Variants in CTNNA3 observed in about 807,000 individuals in gnomAD.
CTNNA3 encodes the protein catenin alpha 3, also known as catenin alpha-3.
In CTNNA3, 76 loss-of-function variants were observed where a neutral mutation model predicts 95.7. The observed-to-expected ratio is 0.79, with a 90% CI of 0.66 to 0.96. The LOEUF is 0.96. Ranked by LOEUF, CTNNA3 falls within the 40% of genes least tolerant of loss-of-function variation. The pLI, the probability that CTNNA3 is intolerant of heterozygous loss-of-function variation, is 0.00. For synonymous variants in CTNNA3, 431 were observed against 374.4 expected (o/e 1.15, Z -1.74); for missense variants, 1,191 against 1,089.8 (o/e 1.09, Z -1.31).
intron 13 of CTNNA3, among the ~76,000 whole-genome samples, chr10:66,125,428 TC>T (rs2082775862): frequency 6.6e-6 from 1 of 152,092 alleles, no homozygotes; most frequent in Non-Finnish European, 1.5e-5. Flanking sequence ...TATTGCAAAC[TC>T]TAGGGCAAGT....
At chr10:66,805,952 A>G (rs892809611) in intron 7 of CTNNA3, among the ~76,000 whole-genome samples, 4 of 152,056 alleles carry the variant, frequency 2.6e-5, no homozygotes, top group African/African-American at 4.8e-5. Context: ...TTTCACATTT[A>G]CATTTCATTT....
At chr10:67,076,269 C>T (rs542727847) in intron 7 of CTNNA3, among the ~76,000 whole-genome samples, 1 of 152,366 alleles carries the variant, frequency 6.6e-6, no homozygotes, top group African/African-American at 2.4e-5. Context: ...TAACTTTTCA[C>T]TGGATCTTAA....
intron 5 of CTNNA3, among the ~76,000 whole-genome samples, chr10:67,286,803 A>G (rs1038803312): frequency 6.6e-6 from 1 of 152,220 alleles, no homozygotes; most frequent in African/African-American, 2.4e-5. Context: ...ACAGAACTAC[A>G]AAATTTTAAA....
intron 7 of CTNNA3, among the ~76,000 whole-genome samples, chr10:67,092,378 G>A (rs1044471045): frequency 5.9e-5 from 9 of 151,958 alleles, no homozygotes; most frequent in African/African-American, 2.2e-4. Context: ...GAATTCTAGA[G>A]AAGGAAAACA....
Position 67,637,668 on chromosome 10 carries a change from G to C in CTNNA3, c.99+9747C>G, listed in dbSNP as rs541360613. 7.2e-5 allele frequency among the ~76,000 whole-genome samples: 11 copies of C among 152,244 alleles called. No homozygotes were observed. The South Asian group carries it at 2.1e-3, about 29-fold the overall frequency. On this transcript the variant is annotated intron_variant, in intron 2 of 17. Coordinates refer to ENST00000433211, the MANE Select transcript of CTNNA3 (RefSeq NM_013266.4). ...CCATCAGACTAATAGCTGATCTCTC[G>C]GCAGAAACTCTACAAGCCAGAAGAG... is the stretch of plus-strand genomic sequence containing the variant.
chr10:66,827,327 C>T (rs1437526104), intron 7 of CTNNA3, among the ~76,000 whole-genome samples: 3 of 152,140 alleles, frequency 2.0e-5, no homozygotes, highest in Non-Finnish European at 4.4e-5. Context: ...ACCATACTTA[C>T]CTCCCATATT....
At chr10:67,716,255 T>G (rs537344594) in intron 1 of CTNNA3, among the ~76,000 whole-genome samples, 2 of 152,300 alleles carry the variant, frequency 1.3e-5, no homozygotes, top group South Asian at 2.1e-4. Flanking sequence ...TACCACTGAT[T>G]CAAAAATAAG....
intron 9 of CTNNA3, among the ~76,000 whole-genome samples, chr10:66,670,439 T>C (rs1171439002): frequency 1.3e-5 from 2 of 152,126 alleles, no homozygotes; most frequent in East Asian, 3.9e-4. Context: ...CCAGGGATGG[T>C]TCTTAACTTC....
chr10:66,267,209 G>A (rs2091178994), intron 13 of CTNNA3, among the ~76,000 whole-genome samples: 1 of 151,980 alleles, frequency 6.6e-6, no homozygotes, highest in Admixed American at 6.6e-5. Context: ...CATGCATGAA[G>A]ACTCTTAAAA....
At chr10:67,538,433 A>G (rs910570500) in intron 4 of CTNNA3, among the ~76,000 whole-genome samples, 5 of 151,724 alleles carry the variant, frequency 3.3e-5, no homozygotes, top group Non-Finnish European at 4.4e-5. Context: ...AATACAAAAA[A>G]TTAGCCAGGC....
intron 7 of CTNNA3, among the ~76,000 whole-genome samples, chr10:66,967,557 C>A (rs1849501313): frequency 6.6e-6 from 1 of 152,002 alleles, no homozygotes; most frequent in South Asian, 2.1e-4. Flanking sequence ...ACCCTCTATA[C>A]CTTTAAGCAG....
At chr10:67,644,753 T>C (rs1243444946) in intron 2 of CTNNA3, among the ~76,000 whole-genome samples, 1 of 151,980 alleles carries the variant, frequency 6.6e-6, no homozygotes, top group African/African-American at 2.4e-5. Flanking sequence ...GTTGATATTA[T>C]ATAAATTATT....
intron 13 of CTNNA3, among the ~76,000 whole-genome samples, chr10:66,237,724 AT>A (rs903608501): frequency 5.9e-5 from 9 of 152,186 alleles, no homozygotes; most frequent in Admixed American, 1.3e-4. Flanking sequence ...TCTTATAACC[AT>A]TTTTTTCAAA....
chr10:66,601,021 C>T (rs144466947), intron 10 of CTNNA3, among the ~76,000 whole-genome samples: 1 of 151,796 alleles, frequency 6.6e-6, no homozygotes, highest in African/African-American at 2.4e-5. Context: ...GAGTAGTCAC[C>T]TAAAATCTCT....
chr10:66,377,610 T>C (rs2092805141), intron 12 of CTNNA3, among the ~76,000 whole-genome samples: 1 of 151,964 alleles, frequency 6.6e-6, no homozygotes, highest in Non-Finnish European at 1.5e-5. Flanking sequence ...TTAGTCCTCC[T>C]AGATTTTACC....
chr10:66,281,744 C>G (rs956363728), intron 12 of CTNNA3, among the ~76,000 whole-genome samples: 3 of 151,780 alleles, frequency 2.0e-5, no homozygotes, highest in Non-Finnish European at 4.4e-5. Context: ...GGCATACCAT[C>G]TCTTGCAATT....
Position 67,372,066 on chromosome 10 carries a change from T to C in CTNNA3, c.579+149776A>G, listed in dbSNP as rs992633532. ...CTGTTCATATCTTTCGCCCACTTGCTGATGGGTTGTTTTTTTTTTCTTGTA... is the reference window on the plus strand; with the variant it reads ...CTGTTCATATCTTTCGCCCACTTGCCGATGGGTTGTTTTTTTTTTCTTGTA... On this transcript the variant is annotated intron_variant, in intron 5 of 17. Coordinates refer to ENST00000433211, the MANE Select transcript of CTNNA3 (RefSeq NM_013266.4). Among the ~76,000 whole-genome samples the C allele has an allele frequency of 4.6e-5, 7 of 152,166 alleles. No individual in the cohort carries two copies. In the South Asian group the frequency reaches 1.0e-3, roughly 23 times the overall value.
At chr10:65,927,117 A>C (rs1239313573) in intron 17 of CTNNA3, among the ~76,000 whole-genome samples, 1 of 152,072 alleles carries the variant, frequency 6.6e-6, no homozygotes, top group Non-Finnish European at 1.5e-5. Context: ...CATACAAGGT[A>C]TTTTTGAATC....
chr10:66,805,239 T>A (rs1424511543), intron 7 of CTNNA3, among the ~76,000 whole-genome samples: 1 of 152,024 alleles, frequency 6.6e-6, no homozygotes, highest in Non-Finnish European at 1.5e-5. Context: ...GTTTGCTTTG[T>A]GTCTCTTTGC....
Sources: allele counts gnomAD v4.1 joint callset (sites outside exome capture counted in the v4.1 genomes callset), GRCh38; gene constraint gnomAD v4.1.1; transcripts MANE v1.5; gene names NCBI Gene and HGNC (gene_info 2026-07-23, HGNC 2026-07-21).